The following GOLGA3 variants were observed in gnomAD, a reference collection of about 807,000 sequenced individuals.
GOLGA3 encodes golgin A3, also known as golgin subfamily A member 3.
A neutral mutation model predicts 169.4 loss-of-function variants in GOLGA3; 75 were observed. The observed-to-expected ratio is 0.44, with a 90% CI of 0.37 to 0.54. The LOEUF (loss-of-function observed/expected upper bound fraction) is 0.54. Among genes scored for constraint, GOLGA3 ranks in the 20% least tolerant of loss-of-function variants. The pLI, the probability that GOLGA3 is intolerant of heterozygous loss-of-function variation, is 0.00. For missense variants in GOLGA3, 1,899 were observed against 1,930.0 expected (o/e 0.98, Z 0.30); for synonymous variants, 824 against 822.4 (o/e 1.00, Z -0.03).
rs1950466018 is a variant in GOLGA3, at chr12:132,827,382, CACCACTT to C, written c.-184+1414_-184+1420del. On this transcript the variant is annotated intron_variant, in intron 1 of 23. Coordinates refer to ENST00000450791, the MANE Select transcript of GOLGA3 (RefSeq NM_001389683.1). Reference sequence around the variant, plus strand: ...ACTCCGGCCTCAGCTCCCGACCCTCCACCACTTACCTGTGAGAGCCTGGGCTAAAGAT... The same window carrying C: ...ACTCCGGCCTCAGCTCCCGACCCTCCACCTGTGAGAGCCTGGGCTAAAGAT... 3.3e-5 allele frequency among the ~76,000 whole-genome samples: 5 copies of C among 152,330 alleles called. No individual in the cohort carries two copies. In the South Asian group the frequency reaches 8.3e-4, roughly 25 times the overall value.
intron 2 of GOLGA3, among the ~76,000 whole-genome samples, chr12:132,818,501 G>A (rs1950084395): frequency 6.6e-6 from 1 of 152,208 alleles, no homozygotes; most frequent in South Asian, 2.1e-4. Flanking sequence ...CCATTCACCA[G>A]CCTCGGCCTC....
chr12:132,777,179 G>A lies in GOLGA3; in HGVS notation c.3723-89C>T, dbSNP rs937581974. 4.8e-5 allele frequency: 68 copies of A among 1,412,398 alleles called. No individual in the cohort carries two copies. The South Asian group carries it at 6.1e-4, about 13-fold the overall frequency. 87.5% of individuals were successfully genotyped at this position (1,412,398 alleles called of 1,614,324 possible). On this transcript the variant is annotated intron_variant, in intron 19 of 23. Coordinates refer to ENST00000450791, the MANE Select transcript of GOLGA3 (RefSeq NM_001389683.1). This position sits in a 1 kb window ranked among gnomAD's most constrained non-coding sequence, Gnocchi z 4.7. Reference sequence around the variant, plus strand: ...CTGGGAAATGCTGCCTGTGGAAGGCGTTCGTCCTGGCAGGCCCTCTGCTGT... The same window carrying A: ...CTGGGAAATGCTGCCTGTGGAAGGCATTCGTCCTGGCAGGCCCTCTGCTGT...
intron 1 of GOLGA3, 24 bp downstream of exon 1, chr12:132,828,779 C>T (rs1300773530): frequency 1.4e-5 from 2 of 145,172 alleles, no homozygotes; most frequent in Non-Finnish European, 2.9e-5. Flanking sequence ...AGCCCCGAGG[C>T]GCCGCGGCCT....
Position 132,807,188 on chromosome 12 carries a change from C to G in GOLGA3, c.1279G>C (p.Glu427Gln). ...LEGQLEALSL[E>Q]ASQALKEKAE... ...CGAACGTCCGTTACCTGACTCGCCTCCAGTGACAAGGCTTCCAGCTGTCCT... is the reference window on the plus strand; with the variant it reads ...CGAACGTCCGTTACCTGACTCGCCTGCAGTGACAAGGCTTCCAGCTGTCCT... Residue 427 changes from glutamate to glutamine, a missense_variant, in exon 6 of 24, where the codon GAG becomes CAG. Glu to Gln is a conservative substitution (Grantham distance 29). Transcript: ENST00000450791. 1 of 1,601,672 alleles carries G rather than the reference C, an allele frequency of 6.2e-7. No homozygotes were observed. The highest frequency in any genetic ancestry group is 8.5e-7 in the Non-Finnish European group (1 of 1,172,308).
Position 132,774,215 on chromosome 12 carries a change from G to A in GOLGA3, c.4249C>T (p.Pro1417Ser), listed in dbSNP as rs758141481. 1 of 1,611,280 alleles carries A rather than the reference G, an allele frequency of 6.2e-7. No homozygotes were observed. The highest frequency in any genetic ancestry group is 1.1e-5 in the South Asian group (1 of 91,056). The change falls in exon 23 of 24, where the codon CCG becomes TCG. Residue 1417 changes from proline to serine, a missense_variant. Transcript: ENST00000450791. The part of the protein sequence containing the change: ...ASLLEELLRP[P>S]PAVSKEPLKN... ...AGGGGCTCCTTGCTCACGGCGGGCGGTGGTCTCAGCAGCTCCTCCAGCAGC... is the reference window on the plus strand; with the variant it reads ...AGGGGCTCCTTGCTCACGGCGGGCGATGGTCTCAGCAGCTCCTCCAGCAGC...
chr12:132,826,358 C>T (rs920963464), intron 1 of GOLGA3, among the ~76,000 whole-genome samples: 1 of 151,882 alleles, frequency 6.6e-6, no homozygotes, highest in Admixed American at 6.5e-5. Flanking sequence ...TCAGCCATTA[C>T]AGGTGGAACA....
intron 14 of GOLGA3, 27 bp downstream of exon 14, chr12:132,786,666 A>G: frequency 1.3e-6 from 1 of 760,198 alleles, no homozygotes; most frequent in Non-Finnish European, 1.8e-6. Flanking sequence ...TGGCCCCCGC[A>G]CCTCCCCCGG....
chr12:132,825,880 C>A, intron 1 of GOLGA3: 1 of 966,780 alleles, frequency 1.0e-6, no homozygotes, highest in Non-Finnish European at 1.7e-6. Flanking sequence ...ACAAGAAATG[C>A]CCCTTCACTG....
At chr12:132,816,069 G>A (rs1169891941) in intron 3 of GOLGA3, among the ~76,000 whole-genome samples, 1 of 152,208 alleles carries the variant, frequency 6.6e-6, no homozygotes, top group African/African-American at 2.4e-5. Context: ...CTGGTGGCGG[G>A]TGCATGTAGT....
intron 11 of GOLGA3, among the ~76,000 whole-genome samples, chr12:132,794,333 T>TAA (rs1218754773): frequency 1.3e-3 from 171 of 132,438 alleles, no homozygotes; most frequent in African/African-American, 3.5e-3. Flanking sequence ...CGTATCTATT[T>TAA]AAAAAAAAAA....
intron 6 of GOLGA3, among the ~76,000 whole-genome samples, chr12:132,806,425 C>T (rs990074398): frequency 1.9e-4 from 29 of 152,366 alleles, no homozygotes; most frequent in African/African-American, 6.7e-4. Flanking sequence ...TCTGTAGACA[C>T]AGCTTTAGGT....
chr12:132,780,123 A>C (rs1593239327), intron 18 of GOLGA3, among the ~76,000 whole-genome samples: 1 of 135,964 alleles, frequency 7.4e-6, no homozygotes, highest in Non-Finnish European at 1.6e-5. Flanking sequence ...CCCCGCGTGC[A>C]CACACCCCAG....
chr12:132,777,573 A>G lies in GOLGA3; in HGVS notation c.3722+93T>C. On this transcript the variant is annotated intron_variant, in intron 19 of 23. Transcript: ENST00000450791. This position sits in a 1 kb window ranked among gnomAD's most constrained non-coding sequence, Gnocchi z 4.7. ...TCAAGTACTCGGCAATTTGCAAAAT[A>G]TAGATGACCCTCGCTGTGCTGAAGG... 1 of 1,426,170 alleles carries G rather than the reference A, an allele frequency of 7.0e-7. No homozygotes were observed. The highest frequency in any genetic ancestry group is 1.8e-4 in the Middle Eastern group (1 of 5,436). The allele number at this position is 1,426,170 out of a possible 1,614,324, so 88.3% of individuals were successfully genotyped here.
intron 7 of GOLGA3, 48 bp from the exon 8 acceptor site, chr12:132,802,017 G>A: frequency 1.3e-6 from 2 of 1,487,866 alleles, no homozygotes; most frequent in South Asian, 2.3e-5. Flanking sequence ...GGCCAACGGG[G>A]GAGTCCGCAG....
rs763396605 is a variant in GOLGA3 at position 132,816,789 on chromosome 12, T to A, written c.157A>T (p.Thr53Ser). The A allele has an allele frequency of 1.2e-6, 2 of 1,603,510 alleles. No homozygotes were observed. Among genetic ancestry groups the A allele is most frequent in the Non-Finnish European group, 1.7e-6 (2 of 1,171,716 alleles). Residue 53 changes from threonine (T) to serine (S), a missense_variant, in exon 3 of 24, where the codon ACG becomes TCG. Coordinates refer to ENST00000450791, the MANE Select transcript of GOLGA3 (RefSeq NM_001389683.1). The stretch of plus-strand genomic sequence containing the variant: ...GGTCCATCCGGGCTTTCCCCTTCCG[T>A]GGATGCTCTGTTTACCTCGGCACCT... ...VQCAEVNRAS[T>S]EGESPDGPGQ...
chr12:132,791,373 TC>T, intron 11 of GOLGA3, 80 bp from the exon 12 acceptor site: 1 of 739,670 alleles, frequency 1.4e-6, no homozygotes, highest in Non-Finnish European at 2.3e-6. Flanking sequence ...CACTGAAGCC[TC>T]CAGGAGGGGA....
At chr12:132,773,569 G>A (rs1305699386) in intron 23 of GOLGA3, among the ~76,000 whole-genome samples, 4 of 152,298 alleles carry the variant, frequency 2.6e-5, no homozygotes, top group South Asian at 2.1e-4. Context: ...ACCTGCCCTC[G>A]GGGCGCCGCC....
chr12:132,787,342 G>T (rs181757219), intron 13 of GOLGA3, among the ~76,000 whole-genome samples: 1 of 151,986 alleles, frequency 6.6e-6, no homozygotes, highest in Non-Finnish European at 1.5e-5. Context: ...TCATAGGAAA[G>T]CCTGTGGACC....
At position 132,786,693 on chromosome 12, in the gene GOLGA3, TTCCGG is replaced by T. The variant is rs1296551308; in HGVS notation, c.2901_2905del (p.Arg968GlyfsTer28). ...CTCCCCCGGGCACATGCAGACTTAC[TTCCGG>T]GCCTCTTGCTGCAACTCTTCGATTT... On this transcript the variant is annotated frameshift_variant and splice_region_variant, in exon 14 of 24. Coordinates refer to ENST00000450791, the MANE Select transcript of GOLGA3 (RefSeq NM_001389683.1). LOFTEE classifies it high-confidence loss of function. 6.5e-7 allele frequency: 1 copy of T among 1,536,684 alleles called. No homozygotes were observed. Among genetic ancestry groups the T allele is most frequent in the Non-Finnish European group, 8.8e-7 (1 of 1,136,688 alleles).
Sources: allele counts gnomAD v4.1 joint callset (sites outside exome capture counted in the v4.1 genomes callset), GRCh38; gene constraint gnomAD v4.1.1; non-coding constraint Gnocchi (gnomAD v3.1); transcripts MANE v1.5; gene names NCBI Gene and HGNC (gene_info 2026-07-23, HGNC 2026-07-21).